The following PDE1C variants were observed in gnomAD, a reference collection of about 807,000 sequenced individuals.
PDE1C encodes the protein phosphodiesterase 1C, also known as dual specificity calcium/calmodulin-dependent 3',5'-cyclic nucleotide phosphodiesterase 1C.
A neutral mutation model predicts 93.1 loss-of-function variants in PDE1C; 62 were observed. The observed-to-expected ratio is 0.67, with a 90% CI of 0.54 to 0.82. PDE1C has a LOEUF of 0.82. Ranked by LOEUF, PDE1C falls within the 40% of genes least tolerant of loss-of-function variation. PDE1C has a pLI of 0.00. For synonymous variants in PDE1C, 325 were observed against 310.1 expected (o/e 1.05, Z -0.50); for missense variants, 742 against 884.6 (o/e 0.84, Z 2.04).
intron 2 of PDE1C, among the ~76,000 whole-genome samples, chr7:31,898,362 CAT>C (rs1799572965): frequency 6.6e-6 from 1 of 151,918 alleles, no homozygotes; most frequent in African/African-American, 2.4e-5. Context: ...ATCATGTATC[CAT>C]AGAGTTTAAA....
At chr7:31,944,354 G>A (rs553803990) in intron 2 of PDE1C, among the ~76,000 whole-genome samples, 1 of 152,222 alleles carries the variant, frequency 6.6e-6, no homozygotes, top group Non-Finnish European at 1.5e-5. Context: ...CCACCATTCT[G>A]GACTCTTCCT....
At chr7:31,814,330 T>A (rs765594216) in intron 15 of PDE1C, among the ~76,000 whole-genome samples, 13 of 152,016 alleles carry the variant, frequency 8.6e-5, no homozygotes, top group Non-Finnish European at 1.6e-4. Context: ...TTCCAGACTA[T>A]AATGCACTTG....
chr7:32,132,350 T>A (rs1428671741), intron 3 of PDE1C, among the ~76,000 whole-genome samples: 1 of 152,092 alleles, frequency 6.6e-6, no homozygotes, highest in Non-Finnish European at 1.5e-5. Flanking sequence ...TACGGTGGCA[T>A]GATACATATT....
At chr7:32,302,206 A>G (rs879416967), upstream of PDE1C, among the ~76,000 whole-genome samples, 11 of 152,228 alleles carry the variant, frequency 7.2e-5, no homozygotes, top group Non-Finnish European at 1.6e-4. Flanking sequence ...GGGTTTGGGT[A>G]ACTTCTAGTT....
At chr7:32,409,892 T>C (rs1785130493) in intron 1 of PDE1C, among the ~76,000 whole-genome samples, 1 of 151,988 alleles carries the variant, frequency 6.6e-6, no homozygotes, top group African/African-American at 2.4e-5. Context: ...TATATTTATA[T>C]ATACACACAC....
intron 1 of PDE1C, among the ~76,000 whole-genome samples, chr7:32,239,089 A>G (rs1009160734): frequency 6.6e-6 from 1 of 152,184 alleles, no homozygotes; most frequent in African/African-American, 2.4e-5. Context: ...CAATGTAGCA[A>G]AACCCTATCT....
intron 1 of PDE1C, among the ~76,000 whole-genome samples, chr7:32,295,630 G>A (rs996118651): frequency 6.6e-6 from 1 of 152,154 alleles, no homozygotes; most frequent in Admixed American, 6.5e-5. Flanking sequence ...AGTGGCTCAC[G>A]CCTGTAATCC....
rs192967158 is a variant in PDE1C, at chr7:31,752,244, C to G, written c.*1140G>C. On this transcript the variant is annotated 3_prime_UTR_variant, in exon 18 of 18. Transcript: ENST00000396191. ...GAAGAGATTGAAAGCTATCTCTAGTCTTGAGCCTTTCCTTGCTACTTCTGT... is the reference window on the plus strand; with the variant it reads ...GAAGAGATTGAAAGCTATCTCTAGTGTTGAGCCTTTCCTTGCTACTTCTGT... 1 of 152,256 alleles carries G rather than the reference C, an allele frequency of 6.6e-6. No individual in the cohort carries two copies. The highest frequency in any genetic ancestry group is 1.9e-4 in the East Asian group (1 of 5,162). The allele number at this position is 152,256 out of a possible 1,614,324, so 9.4% of individuals were successfully genotyped here. A position where few individuals can be genotyped will look rare whatever the true frequency, so the allele number is the denominator to read the frequency against.
At position 32,347,781 on chromosome 7, in the gene PDE1C, A is replaced by T. The variant is rs934215976; in HGVS notation, c.310+80041T>A. On this transcript the variant is annotated intron_variant, in intron 1 of 1. Coordinates refer to the PDE1C transcript ENST00000672256. Reference sequence around the variant, plus strand: ...TAGCTTCAAGGAAACAAAATCTGCCAATAATTTTGATGAACTCCAAAGCAG... The same window carrying T: ...TAGCTTCAAGGAAACAAAATCTGCCTATAATTTTGATGAACTCCAAAGCAG... Among the ~76,000 whole-genome samples the T allele has an allele frequency of 6.0e-4, 92 of 152,334 alleles. 2 individuals are homozygous for T. Among genetic ancestry groups the T allele is most frequent in the African/African-American group, 2.2e-3 (90 of 41,578 alleles).
At chr7:31,796,360 C>T (rs1364531051) in intron 16 of PDE1C, among the ~76,000 whole-genome samples, 1 of 151,530 alleles carries the variant, frequency 6.6e-6, no homozygotes, top group African/African-American at 2.4e-5. Flanking sequence ...ATACTACAAA[C>T]ATGAATTTCC....
At chr7:31,830,955 T>C (rs1363001885) in intron 11 of PDE1C, among the ~76,000 whole-genome samples, 1 of 152,182 alleles carries the variant, frequency 6.6e-6, no homozygotes, top group African/African-American at 2.4e-5. Flanking sequence ...TTGTTATACA[T>C]TTGGGGGTAG....
chr7:32,417,278 CT>C (rs111750487), intron 1 of PDE1C, among the ~76,000 whole-genome samples: 16,013 of 141,752 alleles, frequency 0.11, 2,235 homozygotes, highest in African/African-American at 0.33. Context: ...AAAGTGATGA[CT>C]TTTTTTTTTT....
chr7:31,669,419 A>G, the PDE1C span, among the ~76,000 whole-genome samples: 3 of 152,094 alleles, frequency 2.0e-5, no homozygotes, highest in Non-Finnish European at 4.4e-5. Flanking sequence ...AGTTTAAGCT[A>G]CTCTTATATA....
At chr7:31,890,159 G>A (rs74344443) in intron 2 of PDE1C, among the ~76,000 whole-genome samples, 1 of 152,160 alleles carries the variant, frequency 6.6e-6, no homozygotes, top group African/African-American at 2.4e-5. Context: ...ACAACCCAGA[G>A]CATCATTCAG....
At chr7:32,168,836 A>C (rs967440857) in intron 3 of PDE1C, among the ~76,000 whole-genome samples, 4 of 152,228 alleles carry the variant, frequency 2.6e-5, no homozygotes, top group African/African-American at 9.6e-5. Context: ...CTCACTGAGC[A>C]ATTACACATA....
At chr7:32,199,540 T>C (rs538129068) in intron 2 of PDE1C, among the ~76,000 whole-genome samples, 1 of 152,326 alleles carries the variant, frequency 6.6e-6, no homozygotes, top group African/African-American at 2.4e-5. Flanking sequence ...TCATTATCTC[T>C]CCTTTTAGTC....
At chr7:32,099,477 C>A (rs1171688974) in intron 3 of PDE1C, among the ~76,000 whole-genome samples, 1 of 152,154 alleles carries the variant, frequency 6.6e-6, no homozygotes, top group Non-Finnish European at 1.5e-5. Flanking sequence ...AAGAGATATT[C>A]CAGGTCCTTT....
chr7:32,404,676 A>G (rs1785016190), intron 1 of PDE1C, among the ~76,000 whole-genome samples: 1 of 152,176 alleles, frequency 6.6e-6, no homozygotes, highest in Non-Finnish European at 1.5e-5. Context: ...ATTCAGTGAC[A>G]GAGGCAATGC....
At chr7:31,845,638 C>T (rs1047708539) in intron 9 of PDE1C, among the ~76,000 whole-genome samples, 19 of 151,798 alleles carry the variant, frequency 1.3e-4, no homozygotes, top group Admixed American at 1.3e-4. Flanking sequence ...GCACTTTCTG[C>T]ACACGTATCC....
Sources: allele counts gnomAD v4.1 joint callset (sites outside exome capture counted in the v4.1 genomes callset), GRCh38; gene constraint gnomAD v4.1.1; transcripts MANE v1.5; gene names NCBI Gene and HGNC (gene_info 2026-07-23, HGNC 2026-07-21).